TRIM7: variants seen among roughly 807,000 people sequenced by gnomAD.
The protein encoded by TRIM7 is tripartite motif containing 7, also known as E3 ubiquitin-protein ligase TRIM7.
TRIM7 carries 32 observed loss-of-function variants against 37.9 expected under a neutral mutation model. That is an observed-to-expected ratio of 0.84 (90% CI 0.64 to 1.13). TRIM7 has a LOEUF of 1.13. Among genes scored for constraint, TRIM7 ranks in the 50% most tolerant of loss-of-function variants. The pLI, the probability that TRIM7 is intolerant of heterozygous loss-of-function variation, is 0.00. For synonymous variants in TRIM7, 351 were observed against 321.3 expected (o/e 1.09, Z -0.99); for missense variants, 732 against 714.0 (o/e 1.03, Z -0.29).
At chr5:181,203,402 A>C in intron 2 of TRIM7, 143 bp downstream of exon 2, 2 of 1,505,814 alleles carry the variant, frequency 1.3e-6, no homozygotes, top group African/African-American at 2.8e-5. Context: ...TGGACACCCT[A>C]TATAATATGG....
chr5:181,203,040 G>T (rs1397146417), intron 2 of TRIM7: 6 of 161,122 alleles, frequency 3.7e-5, no homozygotes, highest in Non-Finnish European at 5.3e-5. Context: ...CTCTGCCAGA[G>T]CCAGGGAGCA....
chr5:181,198,651 A>G (rs1311403560), intron 5 of TRIM7, 39 bp downstream of exon 5: 1 of 1,422,356 alleles, frequency 7.0e-7, no homozygotes, highest in Admixed American at 1.7e-5. Context: ...CTCCACCACC[A>G]CCGCACTATG....
intron 3 of TRIM7, chr5:181,199,537 CT>C (rs202050748): frequency 3.0e-3 from 1,373 of 452,080 alleles, no homozygotes; most frequent in East Asian, 4.8e-3. Flanking sequence ...TTGTTTATAA[CT>C]TTTTTTTTAG....
rs1296085259 is a variant in TRIM7 at position 181,204,951 on chromosome 5, C to G, written c.160G>C (p.Gly54Arg). The change falls in exon 1 of 7, where the codon GGG becomes CGG. Residue 54 changes from glycine (G) to arginine (R), a missense_variant. Gly to Arg is a moderately radical substitution (Grantham distance 125, BLOSUM62 -2). Coordinates refer to ENST00000274773, the MANE Select transcript of TRIM7 (RefSeq NM_203293.3). Reference sequence around the variant, plus strand: ...GCGCCCGGGCGCTCCCAGCAGCGCCCTATGCAGGCGCGGCAGAAGCTGTGG... The same window carrying G: ...GCGCCCGGGCGCTCCCAGCAGCGCCGTATGCAGGCGCGGCAGAAGCTGTGG... ...CGHSFCRACI[G>R]RCWERPGAGS... 1 of 1,461,206 alleles carries G rather than the reference C, an allele frequency of 6.8e-7. No homozygotes were observed. The allele number at this position is 1,461,206 out of a possible 1,614,324, so 90.5% of individuals were successfully genotyped here.
chr5:181,199,207 A>G, intron 3 of TRIM7, 90 bp from the exon 4 acceptor site: 1 of 1,489,414 alleles, frequency 6.7e-7, no homozygotes. Flanking sequence ...TGTGCCTCCC[A>G]GATGTAAGCA....
chr5:181,199,215 G>T, intron 3 of TRIM7, 98 bp from the exon 4 acceptor site: 2 of 1,435,512 alleles, frequency 1.4e-6, no homozygotes, highest in Non-Finnish European at 2.0e-6. Context: ...CCAGATGTAA[G>T]CATAAGCAAG....
chr5:181,198,623 C>T, intron 5 of TRIM7, 67 bp downstream of exon 5: 1 of 1,113,554 alleles, frequency 9.0e-7, no homozygotes, highest in South Asian at 1.3e-5. Flanking sequence ...CCCAGGGACC[C>T]CTGAGCTACC....
At chr5:181,204,437 A>C in intron 1 of TRIM7, 152 bp downstream of exon 1, 105 of 1,106,004 alleles carry the variant, frequency 9.5e-5, no homozygotes, top group Middle Eastern at 3.4e-4. Context: ...CAGCCCGGGA[A>C]CCAGCGCTGG....
At chr5:181,200,714 A>G in intron 2 of TRIM7, 1 of 988,338 alleles carries the variant, frequency 1.0e-6, no homozygotes, top group Non-Finnish European at 1.2e-6. Flanking sequence ...AACAGCATAC[A>G]CCGGATTTTT....
intron 5 of TRIM7, 61 bp downstream of exon 5, chr5:181,198,629 C>T: frequency 8.4e-7 from 1 of 1,187,316 alleles, no homozygotes; most frequent in Non-Finnish European, 1.2e-6. Context: ...GACCCCTGAG[C>T]TACCAGGAAC....
In TRIM7 at chr5:181,205,163, C is replaced by A; in HGVS notation, c.-53G>T. 7.9e-7 allele frequency: 1 copy of A among 1,273,388 alleles called. No individual in the cohort carries two copies. The highest frequency in any genetic ancestry group is 9.9e-7 in the Non-Finnish European group (1 of 1,009,040). 78.9% of individuals were successfully genotyped at this position (1,273,388 alleles called of 1,614,324 possible). On this transcript the variant is annotated 5_prime_UTR_variant, in exon 1 of 7. Transcript: ENST00000274773. Reference sequence around the variant, plus strand: ...TCGCGCCTGGGCGGCCACTGGACCTCACAGGACGCGGAGCTGGGCGCCGAG... The same window carrying A: ...TCGCGCCTGGGCGGCCACTGGACCTAACAGGACGCGGAGCTGGGCGCCGAG...
chr5:181,203,524 G>C, intron 2 of TRIM7, 21 bp downstream of exon 2: 1 of 1,613,846 alleles, frequency 6.2e-7, no homozygotes, highest in Non-Finnish European at 8.5e-7. Context: ...CCCACGGGGG[G>C]CCTGCGGGTG....
Position 181,204,807 on chromosome 5 carries a change from G to T in TRIM7, c.304C>A (p.Leu102Ile), listed in dbSNP as rs1199084826. The T allele has an allele frequency of 7.1e-7, 1 of 1,400,232 alleles. No homozygotes were observed. 86.7% of individuals were successfully genotyped at this position (1,400,232 alleles called of 1,614,324 possible). Residue 102 changes from leucine to isoleucine, a missense_variant, in exon 1 of 7, where the codon CTC becomes ATC. Physicochemically the swap from Leu to Ile is conservative, Grantham distance 5 (BLOSUM62 2). Coordinates refer to ENST00000274773, the MANE Select transcript of TRIM7 (RefSeq NM_203293.3). ...PNRQLAAVAT[L>I]LRRFSLPAAA... ...GCGGGCAGGCTGAAGCGCCGCAGGA[G>T]CGTGGCCACTGCCGCCAGCTGCCGG...
At chr5:181,195,817 C>T in intron 6 of TRIM7, 140 bp from the exon 7 acceptor site, 3 of 1,077,840 alleles carry the variant, frequency 2.8e-6, no homozygotes, top group Non-Finnish European at 3.8e-6. Flanking sequence ...CAAGGCCCAA[C>T]CAACCCCCAC....
intron 2 of TRIM7, chr5:181,202,506 T>C (rs144169942): frequency 6.6e-6 from 1 of 151,054 alleles, no homozygotes; most frequent in Non-Finnish European, 1.5e-5. Context: ...AACACCTATT[T>C]ACTGAGCTAG....
Position 181,204,295 on chromosome 5 carries a change from G to C in TRIM7, c.522+294C>G, listed in dbSNP as rs1000955777. On this transcript the variant is annotated intron_variant, in intron 1 of 6. Coordinates refer to ENST00000274773, the MANE Select transcript of TRIM7 (RefSeq NM_203293.3). ...AGACGCAGACCAGGCTAGAGGCTCC[G>C]AACAGACAGGAAGAACATCGCCAAG... 1.7e-5 allele frequency: 19 copies of C among 1,138,662 alleles called. No individual in the cohort carries two copies. The African/African-American group carries it at 3.1e-4, about 18-fold the overall frequency. The allele number at this position is 1,138,662 out of a possible 1,614,324, so 70.5% of individuals were successfully genotyped here. A position where few individuals can be genotyped will look rare whatever the true frequency, so the allele number is the denominator to read the frequency against.
At chr5:181,197,335 C>T (rs1757191387) in intron 6 of TRIM7, 1 of 152,356 alleles carries the variant, frequency 6.6e-6, no homozygotes, top group Non-Finnish European at 1.5e-5. Flanking sequence ...GTAACTTCAA[C>T]CAGAGTGGCC....
In TRIM7 at chr5:181,200,013, C is replaced by A. The variant is rs559432527; in HGVS notation, c.687G>T (p.Glu229Asp). ...EFQALRAFLV[E>D]QEGRLLGRLE... is the part of the protein sequence containing the mutation. ...GGCGGCCTAGCAGCCGACCCTCCTG[C>A]TCCACCAGGAAAGCCCTCAGTGCCT... Residue 229 changes from glutamate (E) to aspartate (D), a missense_variant, in exon 3 of 7, where the codon GAG (glutamate) becomes GAT (aspartate). Transcript: ENST00000274773. 1 of 1,614,276 alleles carries A rather than the reference C, an allele frequency of 6.2e-7. No homozygotes were observed. Among genetic ancestry groups the A allele is most frequent in the African/African-American group, 1.3e-5 (1 of 75,072 alleles).
chr5:181,204,387 G>C (rs390485), intron 1 of TRIM7: 3 of 1,194,814 alleles, frequency 2.5e-6, no homozygotes, highest in East Asian at 3.2e-5. Flanking sequence ...GGGGTGGGGT[G>C]GGGGTATTGG....
Sources: gnomAD v4.1 joint callset for allele counts on GRCh38, gnomAD v4.1.1 for gene constraint, MANE v1.5 for transcripts, NCBI Gene and HGNC (gene_info 2026-07-23, HGNC 2026-07-21) for gene names.